The following CALCR variants were observed in gnomAD, a reference collection of about 807,000 sequenced individuals.
The protein encoded by CALCR is calcitonin receptor.
In CALCR, 47 loss-of-function variants were observed where a neutral mutation model predicts 59.5. The observed-to-expected ratio is 0.79, with a 90% CI of 0.63 to 1.01. The LOEUF (loss-of-function observed/expected upper bound fraction) is 1.01, where lower values mean the gene tolerates loss of function less well. Ranked by LOEUF, CALCR falls within the 50% of genes least tolerant of loss-of-function variation. The probability of loss-of-function intolerance (pLI) is 0.00; values close to 1 mark genes in which losing one functional copy is unlikely to be tolerated. For missense variants in CALCR, 566 were observed against 597.1 expected (o/e 0.95, Z 0.54); for synonymous variants, 213 against 211.3 (o/e 1.01, Z -0.07).
chr7:93,454,013 T>A (rs73712894), intron 8 of CALCR, among the ~76,000 whole-genome samples: 4,096 of 152,150 alleles, frequency 0.027, 210 homozygotes, highest in African/African-American at 0.093. Flanking sequence ...AAATGCATCA[T>A]ACACTTTCGT....
chr7:93,466,167 G>C (rs1258410584), intron 7 of CALCR, among the ~76,000 whole-genome samples: 1 of 151,832 alleles, frequency 6.6e-6, no homozygotes, highest in African/African-American at 2.4e-5. Flanking sequence ...TTAAGTAAGG[G>C]AGTGATGATA....
intron 6 of CALCR, among the ~76,000 whole-genome samples, chr7:93,469,064 G>C (rs1384471706): frequency 4.6e-5 from 7 of 151,760 alleles, no homozygotes; most frequent in African/African-American, 1.7e-4. Context: ...TTCAGAAGTA[G>C]CTTTAAATGC....
intron 5 of CALCR, among the ~76,000 whole-genome samples, chr7:93,474,858 G>T (rs1362104350): frequency 6.6e-6 from 1 of 151,724 alleles, no homozygotes; most frequent in Non-Finnish European, 1.5e-5. Flanking sequence ...TATAGATAAT[G>T]CTTTTATAGA....
intron 7 of CALCR, among the ~76,000 whole-genome samples, chr7:93,461,463 A>C (rs1345117582): frequency 6.6e-6 from 1 of 152,080 alleles, no homozygotes; most frequent in East Asian, 1.9e-4. Flanking sequence ...CTCTTCCATC[A>C]TTTCTGTTAC....
At chr7:93,514,645 T>C (rs1378307089) in intron 2 of CALCR, among the ~76,000 whole-genome samples, 1 of 152,066 alleles carries the variant, frequency 6.6e-6, no homozygotes, top group Admixed American at 6.6e-5. Context: ...AATGTACTAA[T>C]GCACTCAGAG....
chr7:93,455,362 G>A (rs1450252909), intron 8 of CALCR, among the ~76,000 whole-genome samples: 3 of 151,862 alleles, frequency 2.0e-5, no homozygotes, highest in African/African-American at 7.3e-5. Context: ...GGTTGACAAT[G>A]TTCAATAACT....
chr7:93,509,011 G>A (rs1481827017), intron 2 of CALCR, among the ~76,000 whole-genome samples: 1 of 152,142 alleles, frequency 6.6e-6, no homozygotes, highest in East Asian at 1.9e-4. Flanking sequence ...CTCATCTCAT[G>A]TGATTTGCTT....
chr7:93,501,655 T>C (rs1393646883), intron 2 of CALCR, among the ~76,000 whole-genome samples: 2 of 152,056 alleles, frequency 1.3e-5, no homozygotes, highest in African/African-American at 4.8e-5. Flanking sequence ...TTCTAAGACA[T>C]CTTGTATCTC....
chr7:93,506,043 G>A (rs1227563624), intron 2 of CALCR, among the ~76,000 whole-genome samples: 1 of 152,134 alleles, frequency 6.6e-6, no homozygotes, highest in Non-Finnish European at 1.5e-5. Context: ...TCCACCTCAG[G>A]CCAAATGTCC....
At chr7:93,514,430 C>G (rs565361587) in intron 2 of CALCR, among the ~76,000 whole-genome samples, 1 of 151,984 alleles carries the variant, frequency 6.6e-6, no homozygotes, top group African/African-American at 2.4e-5. Context: ...CCAGTCAGTG[C>G]TTCAATACTT....
intron 2 of CALCR, among the ~76,000 whole-genome samples, chr7:93,509,904 T>G (rs1033020102): frequency 6.6e-5 from 10 of 152,188 alleles, no homozygotes; most frequent in Admixed American, 6.5e-4. Context: ...TACCATTTAC[T>G]TACATCATTT....
intron 7 of CALCR, chr7:93,462,114 C>T (rs1182284503): frequency 1.4e-6 from 2 of 1,455,592 alleles, no homozygotes; most frequent in East Asian, 2.5e-5. Flanking sequence ...CAATTTTCTG[C>T]AATAAAAAGC....
At chr7:93,563,278 C>T (rs1017343041) in intron 2 of CALCR, among the ~76,000 whole-genome samples, 2 of 152,110 alleles carry the variant, frequency 1.3e-5, no homozygotes, top group African/African-American at 4.8e-5. Context: ...AATTAAAATT[C>T]AATGTATTTT....
intron 2 of CALCR, among the ~76,000 whole-genome samples, chr7:93,517,498 C>T (rs889952933): frequency 6.6e-6 from 1 of 151,618 alleles, no homozygotes; most frequent in Non-Finnish European, 1.5e-5. Context: ...TTGCAAAAGG[C>T]CTTTTAAATA....
chr7:93,497,563 TGACTCCTA>T (rs1562997276), intron 2 of CALCR, among the ~76,000 whole-genome samples: 1 of 151,614 alleles, frequency 6.6e-6, no homozygotes, highest in Non-Finnish European at 1.5e-5. Flanking sequence ...TCAGGTGTTC[TGACTCCTA>T]GTCCTGTGCC....
At chr7:93,568,380 C>G (rs931264554) in intron 2 of CALCR, among the ~76,000 whole-genome samples, 3 of 152,180 alleles carry the variant, frequency 2.0e-5, no homozygotes, top group Non-Finnish European at 4.4e-5. Context: ...TCAACCCACA[C>G]CCAACTCACG....
At chr7:93,572,820 T>C (rs980796831) in intron 2 of CALCR, among the ~76,000 whole-genome samples, 11 of 152,224 alleles carry the variant, frequency 7.2e-5, no homozygotes, top group African/African-American at 2.2e-4. Context: ...AGATTATCTA[T>C]GTGTTCTTAT....
chr7:93,565,664 T>C (rs140740984), intron 2 of CALCR, among the ~76,000 whole-genome samples: 1,773 of 152,314 alleles, frequency 0.012, 30 homozygotes, highest in African/African-American at 0.04. Flanking sequence ...TTGCAGTCTA[T>C]GTGATGTTAG....
intron 2 of CALCR, among the ~76,000 whole-genome samples, chr7:93,492,049 C>A (rs773729030): frequency 2.0e-5 from 3 of 151,836 alleles, no homozygotes; most frequent in African/African-American, 4.8e-5. Context: ...GGTACATATA[C>A]ACAATGGAAT....
Sources: gnomAD v4.1 joint callset for allele counts (sites outside exome capture counted in the v4.1 genomes callset) on GRCh38, gnomAD v4.1.1 for gene constraint, MANE v1.5 for transcripts, NCBI Gene and HGNC (gene_info 2026-07-23, HGNC 2026-07-21) for gene names.